The following ZNF679 variants were observed in gnomAD, a reference collection of about 807,000 sequenced individuals.
ZNF679 encodes the protein zinc finger protein 679.
ZNF679 carries 10 observed loss-of-function variants against 13.4 expected under a neutral mutation model. That is an observed-to-expected ratio of 0.75 (90% CI 0.46 to 1.27). ZNF679 has a LOEUF of 1.27. Among genes scored for constraint, ZNF679 ranks in the 50% most tolerant of loss-of-function variants. The pLI is 0.00. For synonymous variants in ZNF679, 179 were observed against 162.5 expected (o/e 1.10, Z -0.77); for missense variants, 525 against 477.8 (o/e 1.10, Z -0.92).
chr7:64,236,850 CAAAA>C (rs1188529615), intron 1 of ZNF679, among the ~76,000 whole-genome samples: 3 of 75,472 alleles, frequency 4.0e-5, no homozygotes, highest in Admixed American at 2.4e-4. Flanking sequence ...GAGAAAGAAA[CAAAA>C]GAAAGAAAAA....
At position 64,266,832 on chromosome 7, in the gene ZNF679, G is replaced by A. The variant is rs142919190; in HGVS notation, c.1199G>A (p.Ser400Asn). The change falls in exon 5 of 5, where the codon AGT (serine) becomes AAT (asparagine). Residue 400 changes from serine (S) to asparagine (N), a missense_variant. Physicochemically the swap from Ser to Asn is conservative, Grantham distance 46. Transcript: ENST00000421025. ...KWSSSLANHK[S>N]MHTGEKPYKC... ...TCCTCAAGTCTTGCTAATCATAAGA[G>A]TATGCATACTGGAGAGAAACCCTAC... is the stretch of plus-strand genomic sequence containing the variant. The A allele has an allele frequency of 1.1e-3, 1,729 of 1,594,158 alleles. 12 individuals carry two copies. In the African/African-American group the frequency reaches 0.021, roughly 19 times the overall value.
At chr7:64,254,551 C>T (rs1192217530) in intron 2 of ZNF679, among the ~76,000 whole-genome samples, 2 of 151,918 alleles carry the variant, frequency 1.3e-5, no homozygotes, top group East Asian at 3.9e-4. Context: ...AACTGGCTAA[C>T]ATTAAGTACA....
chr7:64,244,446 C>G (rs745410120), intron 1 of ZNF679, among the ~76,000 whole-genome samples: 2 of 151,720 alleles, frequency 1.3e-5, no homozygotes, highest in South Asian at 4.1e-4. Flanking sequence ...CGGATTCTCT[C>G]TCTGTCGCCC....
At chr7:64,230,878 C>A (rs1233403406) in intron 1 of ZNF679, among the ~76,000 whole-genome samples, 1 of 152,206 alleles carries the variant, frequency 6.6e-6, no homozygotes, top group East Asian at 1.9e-4. Context: ...CAGCCTCACA[C>A]GTGTGCTGAA....
At chr7:64,244,728 C>T (rs902637954) in intron 1 of ZNF679, among the ~76,000 whole-genome samples, 5 of 152,186 alleles carry the variant, frequency 3.3e-5, no homozygotes, top group Non-Finnish European at 7.3e-5. Context: ...ACCCTGAACT[C>T]GGGCTGCCAC....
chr7:64,249,726 C>A (rs1035509718), intron 2 of ZNF679, among the ~76,000 whole-genome samples: 4 of 152,142 alleles, frequency 2.6e-5, no homozygotes, highest in African/African-American at 4.8e-5. Flanking sequence ...AAAGTTATGT[C>A]GTTTCCTTAT....
At chr7:64,240,795 A>ACATTTCC (rs1787788711) in intron 1 of ZNF679, among the ~76,000 whole-genome samples, 1 of 152,198 alleles carries the variant, frequency 6.6e-6, no homozygotes, top group Non-Finnish European at 1.5e-5. Flanking sequence ...TTCCTGCTAA[A>ACATTTCC]GGTATAAGAG....
At chr7:64,242,115 G>A (rs113101345) in intron 1 of ZNF679, among the ~76,000 whole-genome samples, 2 of 152,194 alleles carry the variant, frequency 1.3e-5, no homozygotes, top group Admixed American at 6.5e-5. Flanking sequence ...CCTCACAGGG[G>A]TGCTGAATCT....
At chr7:64,250,265 G>GTTTTTTTTTTTTTT (rs11434714) in intron 2 of ZNF679, among the ~76,000 whole-genome samples, 1 of 91,324 alleles carries the variant, frequency 1.1e-5, no homozygotes, top group Non-Finnish European at 2.0e-5. Flanking sequence ...CTTTCCCTTG[G>GTTTTTTTTTTTTTT]TTTTTTTTTT....
In ZNF679 at chr7:64,249,111, C is replaced by G. The variant is rs1787908135; in HGVS notation, c.-7C>G. 1 of 1,613,994 alleles carries G rather than the reference C, an allele frequency of 6.2e-7. No homozygotes were observed. Among genetic ancestry groups the G allele is most frequent in the Non-Finnish European group, 8.5e-7 (1 of 1,180,030 alleles). ...TGGCCTTGTGTTCTGCAGGTATCCG[C>G]AGATTTATGGCTAAAAGACCGGGAT... On this transcript the variant is annotated 5_prime_UTR_variant, in exon 2 of 5. Transcript: ENST00000421025.
intron 2 of ZNF679, among the ~76,000 whole-genome samples, chr7:64,258,149 G>A (rs573267853): frequency 7.0e-4 from 107 of 152,028 alleles, no homozygotes; most frequent in African/African-American, 2.2e-3. Flanking sequence ...ATATTTTAGT[G>A]GTTATGGAGA....
intron 1 of ZNF679, among the ~76,000 whole-genome samples, chr7:64,231,506 C>G (rs776779134): frequency 1.3e-5 from 2 of 151,994 alleles, no homozygotes; most frequent in Admixed American, 6.5e-5. Context: ...TCAATGTCCC[C>G]TTTAATCTTG....
In ZNF679 at chr7:64,260,221, G is replaced by A. The variant is rs1433531254; in HGVS notation, c.40G>A (p.Gly14Arg). 1.9e-6 allele frequency: 3 copies of A among 1,599,280 alleles called. No individual in the cohort carries two copies. The highest frequency in any genetic ancestry group is 1.7e-6 in the Non-Finnish European group (2 of 1,175,538). The change falls in exon 3 of 5, where the codon GGA becomes AGA. Residue 14 changes from glycine (G) to arginine (R), a missense_variant and splice_region_variant. Transcript: ENST00000421025. ...RPGSPGSREMGLLTFRDVVIE... is the reference protein window; with the variant it reads ...RPGSPGSREMRLLTFRDVVIE... Reference sequence around the variant, plus strand: ...TTTTGTTGTTGTTATTGTTTTTCAGGGACTGTTGACATTCAGAGATGTAGT... The same window carrying A: ...TTTTGTTGTTGTTATTGTTTTTCAGAGACTGTTGACATTCAGAGATGTAGT...
In ZNF679 at chr7:64,266,048, G is replaced by A. The variant is rs1220246896; in HGVS notation, c.415G>A (p.Gly139Arg). ...KSMGECEVQKGGCNEVNQCLS... is the reference protein window; with the variant it reads ...KSMGECEVQKRGCNEVNQCLS... ...CATGGGTGAGTGTGAGGTGCAAAAAGGAGGTTGTAATGAAGTTAACCAATG... is the reference window on the plus strand; with the variant it reads ...CATGGGTGAGTGTGAGGTGCAAAAAAGAGGTTGTAATGAAGTTAACCAATG... The change falls in exon 5 of 5, where the codon GGA (glycine) becomes AGA (arginine). Residue 139 changes from glycine (G) to arginine (R), a missense_variant. Gly to Arg is a moderately radical substitution (Grantham distance 125). Transcript: ENST00000421025. The A allele has an allele frequency of 6.2e-7, 1 of 1,613,240 alleles. No individual in the cohort carries two copies. Among genetic ancestry groups the A allele is most frequent in the Admixed American group, 1.7e-5 (1 of 59,818 alleles).
At chr7:64,240,039 C>T (rs1274498749) in intron 1 of ZNF679, among the ~76,000 whole-genome samples, 1 of 152,196 alleles carries the variant, frequency 6.6e-6, no homozygotes, top group African/African-American at 2.4e-5. Flanking sequence ...GGAATTGTGA[C>T]ATATAGCTGG....
intron 1 of ZNF679, among the ~76,000 whole-genome samples, chr7:64,238,566 T>C (rs1445054628): frequency 6.6e-6 from 1 of 152,068 alleles, no homozygotes; most frequent in Non-Finnish European, 1.5e-5. Flanking sequence ...CTTTGTATTG[T>C]TAGTAGAGAC....
At chr7:64,239,551 A>G (rs1787767701) in intron 1 of ZNF679, among the ~76,000 whole-genome samples, 1 of 152,164 alleles carries the variant, frequency 6.6e-6, no homozygotes, top group Non-Finnish European at 1.5e-5. Context: ...AAGCACCTAG[A>G]TGATGTGACT....
chr7:64,243,137 G>A (rs578093743), intron 1 of ZNF679, among the ~76,000 whole-genome samples: 1 of 152,144 alleles, frequency 6.6e-6, no homozygotes, highest in Non-Finnish European at 1.5e-5. Flanking sequence ...GCATGAGTGT[G>A]ATATATTGTG....
chr7:64,260,453 T>G, intron 3 of ZNF679, 106 bp downstream of exon 3: 2 of 1,493,484 alleles, frequency 1.3e-6, no homozygotes, highest in Non-Finnish European at 1.8e-6. Flanking sequence ...AGCTCTCTGA[T>G]TTGAAGAAAA....
Sources: gnomAD v4.1 joint callset for allele counts (sites outside exome capture counted in the v4.1 genomes callset) on GRCh38, gnomAD v4.1.1 for gene constraint, MANE v1.5 for transcripts, NCBI Gene and HGNC (gene_info 2026-07-23, HGNC 2026-07-21) for gene names.